Variants in NAPA observed in about 807,000 individuals in gnomAD.
NAPA encodes the protein NSF attachment protein alpha.
A neutral mutation model predicts 48.0 loss-of-function variants in NAPA; 18 were observed. The ratio of observed to expected loss-of-function variants is 0.38; its 90% confidence interval spans 0.26 to 0.56. The LOEUF is 0.56. Ranked by LOEUF, NAPA falls within the 20% of genes least tolerant of loss-of-function variation. The pLI, the probability that NAPA is intolerant of heterozygous loss-of-function variation, is 0.77. For synonymous variants in NAPA, 152 were observed against 149.9 expected (o/e 1.01, Z -0.10); for missense variants, 315 against 385.0 (o/e 0.82, Z 1.52).
Position 47,493,007 on chromosome 19 carries a change from G to C in NAPA, c.515C>G (p.Ala172Gly). ...CTTCTGATACTGCTCCAGCAGCGCA[G>C]CGTAACCAGCCACCTTCAGCAGACA... Reference protein sequence around the residue: ...NKCLLKVAGYAALLEQYQKAI... With the variant: ...NKCLLKVAGYGALLEQYQKAI... Residue 172 changes from alanine to glycine, a missense_variant, in exon 7 of 11, where the codon GCT becomes GGT. Transcript: ENST00000263354. This position sits in a 1 kb window ranked among gnomAD's most constrained non-coding sequence, Gnocchi z 6.4. 6.2e-7 allele frequency: 1 copy of C among 1,614,208 alleles called. No individual in the cohort carries two copies. Among genetic ancestry groups the C allele is most frequent in the African/African-American group, 1.3e-5 (1 of 75,054 alleles).
At chr19:47,497,918 T>C (rs2089420238) in intron 3 of NAPA, among the ~76,000 whole-genome samples, 1 of 152,150 alleles carries the variant, frequency 6.6e-6, no homozygotes, top group African/African-American at 2.4e-5. Flanking sequence ...GTACACACAC[T>C]GCCCCCACCC....
intron 3 of NAPA, among the ~76,000 whole-genome samples, chr19:47,499,070 C>T (rs529824871): frequency 6.6e-6 from 1 of 152,356 alleles, no homozygotes; most frequent in Admixed American, 6.5e-5. Flanking sequence ...CCTCAGCCAC[C>T]TTCTGAGCTT....
In NAPA at chr19:47,500,782, A is replaced by G. The variant is rs371567993; in HGVS notation, c.179-33T>C. 45 of 1,517,820 alleles carry G rather than the reference A, an allele frequency of 3.0e-5. No homozygotes were observed. In the African/African-American group the frequency reaches 5.9e-4, roughly 20 times the overall value. The allele number at this position is 1,517,820 out of a possible 1,614,324, so 94.0% of individuals were successfully genotyped here. A position where few individuals can be genotyped will look rare whatever the true frequency, so the allele number is the denominator to read the frequency against. ...AGAAGAGAAGGGCAGTCCTGGCCTC[A>G]GTGGGGCTCCACACTTTATGAAGCC... On this transcript the variant is annotated intron_variant, in intron 2 of 10. Transcript: ENST00000263354.
At chr19:47,511,013 C>T (rs1341325091) in intron 1 of NAPA, among the ~76,000 whole-genome samples, 3 of 152,204 alleles carry the variant, frequency 2.0e-5, no homozygotes, top group Admixed American at 2.0e-4. Context: ...CATCTGAGCA[C>T]CAAGGCAGGC....
At chr19:47,500,597 G>T in intron 3 of NAPA, 36 bp downstream of exon 3, 1 of 1,549,384 alleles carries the variant, frequency 6.5e-7, no homozygotes, top group South Asian at 1.2e-5. Context: ...ATGGCGCTCC[G>T]GACAGCCAGC....
At chr19:47,511,697 G>T (rs1198826035) in intron 1 of NAPA, among the ~76,000 whole-genome samples, 1 of 152,208 alleles carries the variant, frequency 6.6e-6, no homozygotes, top group African/African-American at 2.4e-5. Flanking sequence ...GTGGGGCTGG[G>T]CAAATAAGTC....
rs1360942801 is a variant in NAPA, at chr19:47,506,472, C to T, written c.99-2970G>A. Among the ~76,000 whole-genome samples, 3 of 152,186 alleles carry T rather than the reference C, an allele frequency of 2.0e-5. No homozygotes were observed. In the East Asian group the frequency reaches 5.8e-4, roughly 29 times the overall value. On this transcript the variant is annotated intron_variant, in intron 1 of 10. Transcript: ENST00000263354. This position sits in a 1 kb window ranked among gnomAD's most constrained non-coding sequence, Gnocchi z 4.0. ...TTTTCAGACCTTAATCACAGGTCTG[C>T]CCACCCCACAGGTCCCCCAGCTCAG...
In NAPA at chr19:47,493,205, G is replaced by T; in HGVS notation, c.421-31C>A. The T allele has an allele frequency of 6.4e-7, 1 of 1,566,710 alleles. No homozygotes were observed. On this transcript the variant is annotated intron_variant, in intron 5 of 10. Coordinates refer to ENST00000263354, the MANE Select transcript of NAPA (RefSeq NM_003827.4). This position sits in a 1 kb window ranked among gnomAD's most constrained non-coding sequence, Gnocchi z 6.4. ...GAGACACGGGGGATGGGTTCCAGGG[G>T]AGGGCAGGGAAGGGAGAGGAGGCCT... is the stretch of plus-strand genomic sequence containing the variant.
rs758833237 is a variant in NAPA at position 47,493,404 on chromosome 19, G to A, written c.420+12C>T. 1.2e-6 allele frequency: 2 copies of A among 1,613,704 alleles called. No homozygotes were observed. Among genetic ancestry groups the A allele is most frequent in the South Asian group, 2.2e-5 (2 of 91,068 alleles). On this transcript the variant is annotated intron_variant, in intron 5 of 10. Coordinates refer to ENST00000263354, the MANE Select transcript of NAPA (RefSeq NM_003827.4). This position sits in a 1 kb window ranked among gnomAD's most constrained non-coding sequence, Gnocchi z 6.4. ...TGGCTGCCAGCCCATGCAGGGCCCT[G>A]CTGCCACTCACCTTCTCGATGTCCA...
At chr19:47,509,619 A>G (rs1342120053) in intron 1 of NAPA, among the ~76,000 whole-genome samples, 3 of 152,160 alleles carry the variant, frequency 2.0e-5, no homozygotes, top group Non-Finnish European at 1.5e-5. Context: ...ACGCTTCCCT[A>G]CTTCAGAATA....
At chr19:47,494,766 A>C (rs1333410609) in intron 4 of NAPA, among the ~76,000 whole-genome samples, 3 of 141,450 alleles carry the variant, frequency 2.1e-5, no homozygotes, top group Non-Finnish European at 3.1e-5. Context: ...AAAGAGAGAG[A>C]GAGAAAGCAC....
downstream of NAPA, among the ~76,000 whole-genome samples, chr19:47,484,875 T>C (rs1382839604): frequency 6.6e-6 from 1 of 152,072 alleles, no homozygotes; most frequent in Non-Finnish European, 1.5e-5. Flanking sequence ...AGTTTTTCTA[T>C]TTTTAGTAGA....
downstream of NAPA, among the ~76,000 whole-genome samples, chr19:47,487,128 A>G (rs1200354831): frequency 6.6e-6 from 1 of 151,894 alleles, no homozygotes; most frequent in Non-Finnish European, 1.5e-5. Context: ...GGCTCCTGCT[A>G]TCTCCTCCCC....
intron 9 of NAPA, 143 bp downstream of exon 9, chr19:47,490,645 C>CAAAA (rs1307789954): frequency 1.9e-4 from 137 of 730,032 alleles, no homozygotes; most frequent in East Asian, 4.0e-4. Flanking sequence ...ACTCAAATGG[C>CAAAA]CAAACAAAAC....
rs2122757854 is a variant in NAPA at position 47,500,720 on chromosome 19, G to A, written c.208C>T (p.Gln70Ter). 1 of 1,609,328 alleles carries A rather than the reference G, an allele frequency of 6.2e-7. No individual in the cohort carries two copies. Among genetic ancestry groups the A allele is most frequent in the East Asian group, 2.2e-5 (1 of 44,566 alleles). The change falls in exon 3 of 11, where the codon CAG becomes TAG. Residue 70 changes from glutamine to a stop codon, truncating the protein, a stop_gained. Transcript: ENST00000263354. LOFTEE classifies it high-confidence loss of function. ...AAGNAFCQAA[Q>*]LHLQLQSKHD... ...TTGCTCTGGAGCTGCAGGTGCAGCT[G>A]TGCAGCCTGGCAGAACGCGTTTCCA...
At chr19:47,512,529 C>T (rs1239426683) in intron 1 of NAPA, among the ~76,000 whole-genome samples, 2 of 152,168 alleles carry the variant, frequency 1.3e-5, no homozygotes, top group East Asian at 3.8e-4. Context: ...CACAGTCCAA[C>T]AGCCCACTAA....
chr19:47,491,061 T>C, intron 8 of NAPA: 1 of 507,062 alleles, frequency 2.0e-6, no homozygotes. Context: ...CAGAGATGGC[T>C]GCAGGGAGAG....
Position 47,495,548 on chromosome 19 carries a change from AC to A in NAPA, c.342+1del. 6.2e-7 allele frequency: 1 copy of A among 1,613,862 alleles called. No individual in the cohort carries two copies. Among genetic ancestry groups the A allele is most frequent in the Non-Finnish European group, 8.5e-7 (1 of 1,179,946 alleles). On this transcript the variant is annotated splice_donor_variant, in intron 4 of 10. Coordinates refer to ENST00000263354, the MANE Select transcript of NAPA (RefSeq NM_003827.4). LOFTEE classifies it high-confidence loss of function. ...GTGTCAGGACAAGCAAGCAGCCCTT[AC>A]CATGTCTGTGTAGATCTCGATTGCT...
At chr19:47,497,797 A>G (rs1479660733) in intron 3 of NAPA, among the ~76,000 whole-genome samples, 1 of 152,240 alleles carries the variant, frequency 6.6e-6, no homozygotes, top group Non-Finnish European at 1.5e-5. Flanking sequence ...GCACAAAGAA[A>G]TCAAATGGGT....
Sources: gnomAD v4.1 joint callset for allele counts (sites outside exome capture counted in the v4.1 genomes callset) on GRCh38, gnomAD v4.1.1 for gene constraint, Gnocchi (gnomAD v3.1) non-coding constraint, MANE v1.5 for transcripts, NCBI Gene and HGNC (gene_info 2026-07-23, HGNC 2026-07-21) for gene names.